The following MYO16 variants were observed in gnomAD, a reference collection of about 807,000 sequenced individuals.
MYO16 encodes the protein myosin XVI.
MYO16 carries 94 observed loss-of-function variants against 205.3 expected under a neutral mutation model. The ratio of observed to expected loss-of-function variants is 0.46; its 90% CI spans 0.39 to 0.54. The LOEUF (loss-of-function observed/expected upper bound fraction) is 0.54. Among genes scored for constraint, MYO16 ranks in the 20% least tolerant of loss-of-function variants. MYO16 has a pLI of 0.00. For synonymous variants in MYO16, 988 were observed against 954.0 expected (o/e 1.04, Z -0.66); for missense variants, 2,315 against 2,387.5 (o/e 0.97, Z 0.63).
At chr13:108,727,672 T>A in intron 4 of MYO16, 89 bp downstream of exon 4, 1 of 1,448,694 alleles carries the variant, frequency 6.9e-7, no homozygotes, top group Non-Finnish European at 9.3e-7. Context: ...CAATATGTAA[T>A]ATTTTGGTTG....
chr13:108,820,523 T>C, intron 8 of MYO16, 111 bp downstream of exon 8: 1 of 873,514 alleles, frequency 1.1e-6, no homozygotes, highest in South Asian at 1.5e-5. Context: ...GACATGCCTG[T>C]GAAGCTGTGT....
chr13:109,079,708 A>G (rs1888223512), intron 27 of MYO16, among the ~76,000 whole-genome samples: 1 of 152,062 alleles, frequency 6.6e-6, no homozygotes, highest in Admixed American at 6.5e-5. Context: ...CACACAGTAT[A>G]CCCATGTCAC....
chr13:108,708,791 C>A (rs1883612837), intron 2 of MYO16, among the ~76,000 whole-genome samples: 1 of 152,120 alleles, frequency 6.6e-6, no homozygotes. Context: ...TAAATGGTGG[C>A]AATACAGTAT....
intron 21 of MYO16, among the ~76,000 whole-genome samples, chr13:109,006,446 G>GT (rs1885389231): frequency 6.6e-6 from 1 of 151,990 alleles, no homozygotes; most frequent in Non-Finnish European, 1.5e-5. Context: ...CACCATATTG[G>GT]TCAGACTGGT....
intron 9 of MYO16, among the ~76,000 whole-genome samples, chr13:108,839,437 TAACTA>T (rs1877116246): frequency 2.0e-5 from 3 of 152,154 alleles, no homozygotes; most frequent in African/African-American, 7.2e-5. Flanking sequence ...TTTCAATTAA[TAACTA>T]TACTATTGAG....
In MYO16 at chr13:108,969,885, G is replaced by A. The variant is rs191182076; in HGVS notation, c.2369+4983G>A. On this transcript the variant is annotated intron_variant, in intron 20 of 34. Coordinates refer to ENST00000457511, the MANE Select transcript of MYO16 (RefSeq NM_001198950.3). ...AGAACACACCTTGTGAGACAGAGAG[G>A]ATTTGGTGTAGAATTTTCTTAACAC... 3.9e-3 allele frequency among the ~76,000 whole-genome samples: 597 copies of A among 152,250 alleles called. 6 individuals are homozygous for A. Among genetic ancestry groups the A allele is most frequent in the African/African-American group, 0.014 (576 of 41,542 alleles).
intron 29 of MYO16, among the ~76,000 whole-genome samples, chr13:109,122,512 C>T (rs568580014): frequency 2.0e-5 from 3 of 152,148 alleles, no homozygotes; most frequent in African/African-American, 7.2e-5. Context: ...AACCCCGTCT[C>T]TACTAAAAAT....
intron 15 of MYO16, among the ~76,000 whole-genome samples, chr13:108,906,723 G>A (rs528462342): frequency 6.6e-6 from 1 of 152,274 alleles, no homozygotes; most frequent in African/African-American, 2.4e-5. Context: ...ATGGTACACG[G>A]TAGGTGCTTT....
At chr13:109,152,106 T>G (rs766647174) in intron 32 of MYO16, among the ~76,000 whole-genome samples, 2 of 152,178 alleles carry the variant, frequency 1.3e-5, no homozygotes, top group African/African-American at 2.4e-5. Context: ...TAGCATACAT[T>G]TTTAAAATTT....
At chr13:109,121,247 C>T (rs143471314) in intron 29 of MYO16, among the ~76,000 whole-genome samples, 65 of 152,158 alleles carry the variant, frequency 4.3e-4, no homozygotes, top group Non-Finnish European at 7.2e-4. Flanking sequence ...TGGGACTGAT[C>T]CCTACCTACT....
intron 4 of MYO16, among the ~76,000 whole-genome samples, chr13:108,728,052 T>C (rs1029415395): frequency 1.1e-4 from 16 of 152,170 alleles, no homozygotes; most frequent in African/African-American, 3.9e-4. Context: ...GTTGTTTTGG[T>C]TGTTATTTTC....
At chr13:109,102,869 T>C (rs991043639) in intron 28 of MYO16, among the ~76,000 whole-genome samples, 1 of 152,174 alleles carries the variant, frequency 6.6e-6, no homozygotes, top group Admixed American at 6.5e-5. Context: ...TTCATGGCAC[T>C]AATCTATTTT....
rs1555337950 is a variant in MYO16, at chr13:108,677,335, G to GTATATATATATATATGCATA, written c.292+11201_292+11202insGCATATATATATATATATAT. Among the ~76,000 whole-genome samples, 188 of 87,474 alleles carry GTATATATATATATATGCATA rather than the reference G, an allele frequency of 2.1e-3. 1 individual carries two copies. The highest frequency in any genetic ancestry group is 9.1e-3 in the African/African-American group (180 of 19,842). The allele number at this position is 87,474 out of a possible 152,430, so 57.4% of individuals were successfully genotyped here. On this transcript the variant is annotated intron_variant, in intron 2 of 34. Transcript: ENST00000457511. ...TGCATGTGTGTGTGTGTGTGTGTGTGTATATATATATATATATATGCATAT... is the reference window on the plus strand; with the variant it reads ...TGCATGTGTGTGTGTGTGTGTGTGTGTATATATATATATATGCATATATATATATATATATATATGCATAT...
intron 23 of MYO16, among the ~76,000 whole-genome samples, chr13:109,038,042 C>T (rs929400616): frequency 2.0e-5 from 3 of 152,128 alleles, no homozygotes; most frequent in African/African-American, 7.2e-5. Context: ...TGCTGTAAAG[C>T]GAAGGATTTA....
intron 1 of MYO16, among the ~76,000 whole-genome samples, chr13:108,605,984 T>G (rs572995877): frequency 6.6e-6 from 1 of 152,312 alleles, no homozygotes; most frequent in African/African-American, 2.4e-5. Context: ...TAGTCTTAGA[T>G]GCAGATGAGG....
chr13:108,797,187 A>G (rs80348887), intron 6 of MYO16, among the ~76,000 whole-genome samples: 1,889 of 152,330 alleles, frequency 0.012, 49 homozygotes, highest in African/African-American at 0.043. Flanking sequence ...ACACAAACCT[A>G]AAGCAGGAAA....
At chr13:108,724,962 C>G (rs2139578624) in intron 3 of MYO16, among the ~76,000 whole-genome samples, 2 of 152,252 alleles carry the variant, frequency 1.3e-5, no homozygotes, top group East Asian at 3.9e-4. Context: ...AAAAAGATCT[C>G]TCACAGATCA....
intron 20 of MYO16, among the ~76,000 whole-genome samples, chr13:108,980,339 G>A (rs1884409452): frequency 6.6e-6 from 1 of 152,108 alleles, no homozygotes; most frequent in Non-Finnish European, 1.5e-5. Context: ...AGCTATTCCT[G>A]CTCTTGTTTC....
the MYO16 span, among the ~76,000 whole-genome samples, chr13:108,531,055 G>C: frequency 2.0e-5 from 3 of 152,038 alleles, no homozygotes; most frequent in African/African-American, 4.8e-5. Context: ...GATCAGCCTT[G>C]CTGGTAGAGA....
Sources: gnomAD v4.1 joint callset for allele counts (sites outside exome capture counted in the v4.1 genomes callset) on GRCh38, gnomAD v4.1.1 for gene constraint, MANE v1.5 for transcripts, NCBI Gene and HGNC (gene_info 2026-07-23, HGNC 2026-07-21) for gene names.